Variants in ADGRG3 observed in about 807,000 individuals in gnomAD.
The protein encoded by ADGRG3 is adhesion G protein-coupled receptor G3.
ADGRG3 carries 39 observed loss-of-function variants against 54.3 expected under a neutral mutation model. The observed-to-expected ratio is 0.72, with a 90% CI of 0.56 to 0.94. The LOEUF is 0.94. Among genes scored for constraint, ADGRG3 ranks in the 40% least tolerant of loss-of-function variants. The probability of loss-of-function intolerance (pLI) is 0.00; values close to 1 mark genes in which losing one functional copy is unlikely to be tolerated. For synonymous variants in ADGRG3, 312 were observed against 290.0 expected, an observed-to-expected ratio of 1.08 and a Z score of -0.77; for missense variants, 654 against 694.6, an observed-to-expected ratio of 0.94 and a Z score of 0.66.
At position 57,678,634 on chromosome 16, in the gene ADGRG3, T is replaced by C. The variant is rs890244799; in HGVS notation, c.492+318T>C. The C allele has an allele frequency of 1.9e-5, 8 of 415,798 alleles. 1 individual carries two copies. The highest frequency in any genetic ancestry group is 1.4e-4 in the South Asian group (5 of 36,336). The allele number at this position is 415,798 out of a possible 1,614,324, so 25.8% of individuals were successfully genotyped here. A position where few individuals can be genotyped will look rare whatever the true frequency, so the allele number is the denominator to read the frequency against. ...GCACAAACATGCACATCCTTTTCTATTCTTGTGCACGCACAAGCCCATGTA... is the reference window on the plus strand; with the variant it reads ...GCACAAACATGCACATCCTTTTCTACTCTTGTGCACGCACAAGCCCATGTA... On this transcript the variant is annotated intron_variant, in intron 4 of 11. Transcript: ENST00000333493.
upstream of ADGRG3, chr16:57,668,163 C>A: frequency 1.7e-6 from 1 of 603,582 alleles, no homozygotes; most frequent in South Asian, 2.0e-5. Flanking sequence ...GGGAGCACTG[C>A]CCAGTTCCCC....
upstream of ADGRG3, among the ~76,000 whole-genome samples, chr16:57,667,485 A>T (rs1469919647): frequency 2.0e-5 from 3 of 152,262 alleles, no homozygotes; most frequent in African/African-American, 7.2e-5. Context: ...TTGGGGTGTA[A>T]AGACAACAAT....
At chr16:57,679,394 A>G in intron 5 of ADGRG3, 83 bp downstream of exon 5, 1 of 1,443,306 alleles carries the variant, frequency 6.9e-7, no homozygotes, top group South Asian at 1.2e-5. Flanking sequence ...CCTGCATGGG[A>G]CACTACATAT....
chr16:57,667,652 C>T (rs1299702426), upstream of ADGRG3, among the ~76,000 whole-genome samples: 1 of 152,202 alleles, frequency 6.6e-6, no homozygotes, highest in Non-Finnish European at 1.5e-5. Flanking sequence ...TTAGCTCAGG[C>T]CTGACCAGCC....
intron 8 of ADGRG3, among the ~76,000 whole-genome samples, chr16:57,683,614 A>G (rs1356510269): frequency 6.6e-6 from 1 of 152,026 alleles, no homozygotes; most frequent in Non-Finnish European, 1.5e-5. Flanking sequence ...CCCTTTATCC[A>G]ACTTTTAATT....
chr16:57,671,714 C>T (rs2048164263), intron 1 of ADGRG3, among the ~76,000 whole-genome samples: 1 of 152,108 alleles, frequency 6.6e-6, no homozygotes, highest in African/African-American at 2.4e-5. Context: ...GTTCTCAACA[C>T]AAGCTGAAAA....
rs1307289357 is a variant in ADGRG3, at chr16:57,680,528, G to A, written c.792G>A (p.Thr264=). 34 of 1,613,694 alleles carry A rather than the reference G, an allele frequency of 2.1e-5. No individual in the cohort carries two copies. The highest frequency in any genetic ancestry group is 8.9e-5 in the East Asian group (4 of 44,810). The change falls in exon 8 of 12, where the codon ACG becomes ACA. Residue 264 remains threonine, a synonymous_variant. Transcript: ENST00000333493. ...LLLRPTLDQS[T]VHILTRISQA... ...AGAGACCCACCTTGGACCAGTCCAC[G>A]GTGCATATCCTCACACGCATCTCCC...
At chr16:57,668,122 T>C (rs2048085625), upstream of ADGRG3, 3 of 581,558 alleles carry the variant, frequency 5.2e-6, no homozygotes, top group Admixed American at 3.1e-5. Context: ...AGCAGCTCCC[T>C]CTGCAGGTGG....
chr16:57,670,699 T>C (rs765278127), intron 1 of ADGRG3, among the ~76,000 whole-genome samples: 27 of 152,220 alleles, frequency 1.8e-4, no homozygotes, highest in Non-Finnish European at 3.8e-4. Flanking sequence ...ACAGTTCCTT[T>C]ATAAACTATC....
At chr16:57,678,976 C>T (rs530417083) in intron 4 of ADGRG3, 8 of 611,814 alleles carry the variant, frequency 1.3e-5, no homozygotes, top group Non-Finnish European at 2.3e-5. Flanking sequence ...AGCCAGTTGA[C>T]CTGGCCCAGC....
chr16:57,672,132 A>G (rs2048172969), intron 1 of ADGRG3, among the ~76,000 whole-genome samples: 1 of 152,168 alleles, frequency 6.6e-6, no homozygotes, highest in African/African-American at 2.4e-5. Flanking sequence ...GTGAGCTGTG[A>G]TCATGCTACT....
At chr16:57,683,893 G>C (rs1597778984) in intron 8 of ADGRG3, 39 bp from the exon 9 acceptor site, 3 of 1,512,584 alleles carry the variant, frequency 2.0e-6, no homozygotes, top group African/African-American at 1.4e-5. Flanking sequence ...CTCCCCATGG[G>C]AGCTGTGGCC....
chr16:57,679,136 C>T (rs761846141), intron 4 of ADGRG3, 41 bp from the exon 5 acceptor site: 12 of 1,610,158 alleles, frequency 7.5e-6, no homozygotes, highest in African/African-American at 1.3e-5. Flanking sequence ...GTTGGGATGG[C>T]CCCTTCTGCA....
In ADGRG3 at chr16:57,684,143, C is replaced by T; in HGVS notation, c.1093C>T (p.Leu365=). The T allele has an allele frequency of 6.2e-7, 1 of 1,614,092 alleles. No individual in the cohort carries two copies. Among genetic ancestry groups the T allele is most frequent in the South Asian group, 1.1e-5 (1 of 91,092 alleles). Residue 365 remains leucine, a synonymous_variant, in exon 9 of 12, where the codon CTG becomes TTG. Coordinates refer to ENST00000333493, the MANE Select transcript of ADGRG3 (RefSeq NM_170776.5). ...WMGLEAFHLY[L]LAVRVFNTYF... ...GGGCCTTGAAGCCTTCCACCTCTAC[C>T]TGCTCGCTGTCAGGGTCTTCAACAC...
intron 3 of ADGRG3, 49 bp downstream of exon 3, chr16:57,676,387 G>A (rs368138567): frequency 7.0e-6 from 11 of 1,571,290 alleles, no homozygotes; most frequent in Non-Finnish European, 9.6e-6. Context: ...TATTTTTCTT[G>A]GACGTATATT....
upstream of ADGRG3, among the ~76,000 whole-genome samples, chr16:57,667,895 C>G (rs933985625): frequency 2.6e-5 from 4 of 152,222 alleles, no homozygotes; most frequent in Admixed American, 6.5e-5. Flanking sequence ...GGAGGCAGCC[C>G]CATTGCCATC....
chr16:57,672,503 T>A (rs1166666607), intron 1 of ADGRG3, among the ~76,000 whole-genome samples: 4 of 152,232 alleles, frequency 2.6e-5, no homozygotes, highest in Admixed American at 1.3e-4. Context: ...GAGCTATGTA[T>A]GTCCTTTATC....
At chr16:57,679,034 T>C in intron 4 of ADGRG3, 143 bp from the exon 5 acceptor site, 2 of 935,328 alleles carry the variant, frequency 2.1e-6, no homozygotes, top group South Asian at 1.6e-5. Context: ...TGCCTGTGAC[T>C]CCTTGGCTCC....
At chr16:57,666,369 A>C (rs1158551414), upstream of ADGRG3, among the ~76,000 whole-genome samples, 2 of 152,256 alleles carry the variant, frequency 1.3e-5, no homozygotes, top group Admixed American at 1.3e-4. Flanking sequence ...ACAGGGCACC[A>C]ACAGTTCCAT....
Sources: allele counts gnomAD v4.1 joint callset (sites outside exome capture counted in the v4.1 genomes callset), GRCh38; gene constraint gnomAD v4.1.1; transcripts MANE v1.5; gene names NCBI Gene and HGNC (gene_info 2026-07-23, HGNC 2026-07-21).